Variants in CCDC191 observed in about 807,000 individuals in gnomAD.
CCDC191 encodes coiled-coil domain containing 191, also known as coiled-coil domain-containing protein 191.
A neutral mutation model predicts 114.0 loss-of-function variants in CCDC191; 99 were observed. That is an observed-to-expected ratio of 0.87 (90% confidence interval 0.74 to 1.03). The LOEUF is 1.03. Ranked by LOEUF, CCDC191 falls within the 50% of genes least tolerant of loss-of-function variation. The probability of loss-of-function intolerance (pLI) is 0.00; values close to 1 mark genes in which losing one functional copy is unlikely to be tolerated. For synonymous variants in CCDC191, 351 were observed against 376.0 expected, an observed-to-expected ratio of 0.93 and a Z score of 0.77; for missense variants, 973 against 1,087.0, an observed-to-expected ratio of 0.90 and a Z score of 1.47.
chr3:114,024,679 A>G (rs773211549), intron 7 of CCDC191, among the ~76,000 whole-genome samples: 13 of 152,104 alleles, frequency 8.5e-5, no homozygotes, highest in Non-Finnish European at 1.8e-4. Flanking sequence ...GAAGGGGAAC[A>G]TCACACACCA....
intron 13 of CCDC191, among the ~76,000 whole-genome samples, chr3:113,987,556 G>A (rs2075403812): frequency 1.3e-5 from 2 of 152,090 alleles, no homozygotes; most frequent in Non-Finnish European, 2.9e-5. Context: ...GTTATTTGAA[G>A]GTGGAAAGAG....
chr3:113,977,477 C>T (rs928853787), intron 16 of CCDC191, among the ~76,000 whole-genome samples: 3 of 152,124 alleles, frequency 2.0e-5, no homozygotes, highest in African/African-American at 4.8e-5. Flanking sequence ...ATAAAACTTA[C>T]TTATACAGAA....
chr3:114,042,426 T>G (rs1004571383), intron 4 of CCDC191, among the ~76,000 whole-genome samples: 1 of 152,148 alleles, frequency 6.6e-6, no homozygotes, highest in Non-Finnish European at 1.5e-5. Context: ...TCTGAGGAGT[T>G]TGGTATCTGT....
chr3:114,045,368 A>G (rs2076615329), intron 3 of CCDC191, among the ~76,000 whole-genome samples: 1 of 151,594 alleles, frequency 6.6e-6, no homozygotes, highest in Non-Finnish European at 1.5e-5. Context: ...CCTATATTTA[A>G]TTTATTATTT....
At chr3:114,043,825 GAAAAGAAT>G (rs1159031462) in intron 3 of CCDC191, among the ~76,000 whole-genome samples, 1 of 152,158 alleles carries the variant, frequency 6.6e-6, no homozygotes, top group African/African-American at 2.4e-5. Context: ...TCAGATTACA[GAAAAGAAT>G]GTTTTGAGGT....
At chr3:114,010,504 T>C (rs2076050416) in intron 9 of CCDC191, among the ~76,000 whole-genome samples, 1 of 152,210 alleles carries the variant, frequency 6.6e-6, no homozygotes. Context: ...GCTTTACCTG[T>C]CTTTTCCTAA....
In CCDC191 at chr3:114,034,998, T is replaced by A; in HGVS notation, c.745A>T (p.Ile249Phe). The A allele has an allele frequency of 6.2e-7, 1 of 1,614,066 alleles. No homozygotes were observed. The highest frequency in any genetic ancestry group is 1.7e-5 in the Admixed American group (1 of 60,006). ...CGCAGCTTCACCATCTCCCTTTGAATCTCCTCTTCCTCTTTCTTGGCCTCC... is the reference window on the plus strand; with the variant it reads ...CGCAGCTTCACCATCTCCCTTTGAAACTCCTCTTCCTCTTTCTTGGCCTCC... ...ALEAKKEEEE[I>F]QREMVKLRRE... The change falls in exon 6 of 17, where the codon ATT (isoleucine) becomes TTT (phenylalanine). Residue 249 changes from isoleucine (I) to phenylalanine (F), a missense_variant. By Grantham distance (21) the Ile-to-Phe change is conservative. Transcript: ENST00000295878.
chr3:113,989,135 C>T lies in CCDC191; in HGVS notation c.2164-8342G>A, dbSNP rs76100072. On this transcript the variant is annotated intron_variant, in intron 13 of 16. Coordinates refer to ENST00000295878, the MANE Select transcript of CCDC191 (RefSeq NM_020817.2). Reference sequence around the variant, plus strand: ...AAACATACATGCACCTAAGAACAAACCTTCAAAGTACATGAGGCAAAACCA... The same window carrying T: ...AAACATACATGCACCTAAGAACAAATCTTCAAAGTACATGAGGCAAAACCA... Among the ~76,000 whole-genome samples, 877 of 152,250 alleles carry T rather than the reference C, an allele frequency of 5.8e-3. 12 individuals carry two copies. Among genetic ancestry groups the T allele is most frequent in the African/African-American group, 0.02 (846 of 41,538 alleles).
At chr3:113,975,851 T>A (rs76241169) in intron 16 of CCDC191, among the ~76,000 whole-genome samples, 2,996 of 152,320 alleles carry the variant, frequency 0.02, 69 homozygotes, top group East Asian at 0.1. Context: ...ACAGCAATGC[T>A]TTTATATCAA....
intron 16 of CCDC191, among the ~76,000 whole-genome samples, chr3:113,968,622 T>TTTTG (rs1000631629): frequency 6.8e-6 from 1 of 148,078 alleles, no homozygotes; most frequent in African/African-American, 2.5e-5. Flanking sequence ...GCTAATAGTT[T>TTTTG]TTTGTTTTTT....
At chr3:114,011,170 T>G in intron 8 of CCDC191, 149 bp from the exon 9 acceptor site, 1 of 904,468 alleles carries the variant, frequency 1.1e-6, no homozygotes, top group Non-Finnish European at 1.6e-6. Flanking sequence ...ATGAAATTGC[T>G]TTATAAATTC....
intron 8 of CCDC191, among the ~76,000 whole-genome samples, chr3:114,011,818 C>T (rs751353412): frequency 6.6e-6 from 1 of 152,188 alleles, no homozygotes. Context: ...TGGGAATCTG[C>T]ATTAGGAGAT....
chr3:114,026,580 G>T (rs1390267210), intron 7 of CCDC191, among the ~76,000 whole-genome samples: 1 of 152,168 alleles, frequency 6.6e-6, no homozygotes. Flanking sequence ...AAATGGTTTT[G>T]CCTCAGTGGT....
chr3:114,001,046 A>C (rs1364332741), intron 13 of CCDC191, among the ~76,000 whole-genome samples: 1 of 152,092 alleles, frequency 6.6e-6, no homozygotes, highest in East Asian at 1.9e-4. Context: ...TTATCTTCCC[A>C]AGCAGAATTT....
At chr3:113,967,839 C>T (rs1480040323) in intron 16 of CCDC191, among the ~76,000 whole-genome samples, 1 of 152,188 alleles carries the variant, frequency 6.6e-6, no homozygotes, top group Non-Finnish European at 1.5e-5. Flanking sequence ...TATTCTCTAT[C>T]TTCATGAGAT....
chr3:114,001,993 A>C (rs1297044739), intron 12 of CCDC191, among the ~76,000 whole-genome samples: 2 of 152,162 alleles, frequency 1.3e-5, no homozygotes, highest in African/African-American at 4.8e-5. Context: ...TGAAAAACTA[A>C]CTCCAAGTTA....
intron 16 of CCDC191, among the ~76,000 whole-genome samples, chr3:113,968,895 T>TA (rs1559864876): frequency 6.6e-6 from 1 of 152,064 alleles, no homozygotes; most frequent in Non-Finnish European, 1.5e-5. Context: ...GTAATTTATT[T>TA]AAAAAAAGAG....
At chr3:113,978,837 T>C (rs1208523474) in intron 15 of CCDC191, 21 bp downstream of exon 15, 1 of 1,607,442 alleles carries the variant, frequency 6.2e-7, no homozygotes, top group Non-Finnish European at 8.5e-7. Flanking sequence ...GTATTTAAGG[T>C]ACCCTTCCCT....
chr3:114,016,048 A>T (rs1419663697), intron 8 of CCDC191, among the ~76,000 whole-genome samples: 1 of 152,236 alleles, frequency 6.6e-6, no homozygotes, highest in Non-Finnish European at 1.5e-5. Context: ...TGGGCCCTTC[A>T]TGGCGGACAG....
Sources: gnomAD v4.1 joint callset for allele counts (sites outside exome capture counted in the v4.1 genomes callset) on GRCh38, gnomAD v4.1.1 for gene constraint, MANE v1.5 for transcripts, NCBI Gene and HGNC (gene_info 2026-07-23, HGNC 2026-07-21) for gene names.